Variants in CADPS observed in about 807,000 individuals in gnomAD.
The protein encoded by CADPS is calcium-dependent secretion activator 1.
In CADPS, 57 loss-of-function variants were observed where a neutral mutation model predicts 167.3. That is an observed-to-expected ratio of 0.34 (90% confidence interval 0.28 to 0.42). The LOEUF (loss-of-function observed/expected upper bound fraction) is 0.42. Among genes scored for constraint, CADPS ranks in the 20% least tolerant of loss-of-function variants. The probability of loss-of-function intolerance (pLI) is 1.00; values close to 1 mark genes in which losing one functional copy is unlikely to be tolerated. For missense variants in CADPS, 1,414 were observed against 1,738.1 expected, an observed-to-expected ratio of 0.81 and a Z score of 3.32; for synonymous variants, 676 against 635.3, an observed-to-expected ratio of 1.06 and a Z score of -0.96.
At chr3:62,856,561 A>G (rs73844676) in intron 1 of CADPS, among the ~76,000 whole-genome samples, 6,980 of 152,166 alleles carry the variant, frequency 0.046, 180 homozygotes, top group East Asian at 0.089. Flanking sequence ...AGTATAATAA[A>G]AGGAACTTTA....
intron 1 of CADPS, among the ~76,000 whole-genome samples, chr3:62,851,511 T>C (rs1489690380): frequency 2.7e-5 from 4 of 149,470 alleles, no homozygotes; most frequent in Non-Finnish European, 5.9e-5. Context: ...CTGTAAAGTA[T>C]TTTATTTCTC....
At position 62,474,153 on chromosome 3, in the gene CADPS, A is replaced by ATATCTGTATTTTTTTTTTTTTT. The variant is rs2060964287; in HGVS notation, c.3477+19_3477+20insAAAAAAAAAAAAAATACAGATA. 1.7e-6 allele frequency: 1 copy of ATATCTGTATTTTTTTTTTTTTT among 576,520 alleles called. No homozygotes were observed. Among genetic ancestry groups the ATATCTGTATTTTTTTTTTTTTT allele is most frequent in the African/African-American group, 3.5e-5 (1 of 28,598 alleles). The allele number at this position is 576,520 out of a possible 1,614,324, so 35.7% of individuals were successfully genotyped here. On this transcript the variant is annotated intron_variant, in intron 24 of 29. Transcript: ENST00000383710. ...AATGAAGAGGGAAAAAAAAATCTGT[A>ATATCTGTATTTTTTTTTTTTTT]TTTTTTTTTTTTTTTTTACCTCTTG...
chr3:62,687,767 G>A (rs1044360149), intron 3 of CADPS, among the ~76,000 whole-genome samples: 2 of 112,320 alleles, frequency 1.8e-5, no homozygotes, highest in African/African-American at 3.2e-5. Flanking sequence ...CTATCTTAAC[G>A]CTTGCTTCTA....
At chr3:62,827,669 T>C (rs973801539) in intron 1 of CADPS, among the ~76,000 whole-genome samples, 2 of 152,150 alleles carry the variant, frequency 1.3e-5, no homozygotes, top group African/African-American at 4.8e-5. Flanking sequence ...TACAATCACA[T>C]ACACTGAGGG....
intron 1 of CADPS, among the ~76,000 whole-genome samples, chr3:62,799,957 C>T (rs2093666780): frequency 6.6e-6 from 1 of 152,170 alleles, no homozygotes; most frequent in Admixed American, 6.6e-5. Context: ...AGATTTGTTT[C>T]CTGACTAGGA....
At chr3:62,466,496 T>G (rs2059947158) in intron 24 of CADPS, 83 bp from the exon 25 acceptor site, 1 of 873,022 alleles carries the variant, frequency 1.1e-6, no homozygotes, top group Non-Finnish European at 1.9e-6. Flanking sequence ...CAACTTAATT[T>G]ATAAATAAAG....
chr3:62,712,077 A>G (rs954445535), intron 3 of CADPS, among the ~76,000 whole-genome samples: 3 of 152,156 alleles, frequency 2.0e-5, no homozygotes, highest in Non-Finnish European at 4.4e-5. Context: ...CAAAATTTCA[A>G]CGGTATTGTA....
chr3:62,440,221 C>T (rs2056026262), intron 27 of CADPS: 1 of 152,136 alleles, frequency 6.6e-6, no homozygotes, highest in South Asian at 2.1e-4. Context: ...CAAATCCTTT[C>T]TCCATCTCCT....
At chr3:62,830,673 A>G (rs888687911) in intron 1 of CADPS, among the ~76,000 whole-genome samples, 5 of 152,176 alleles carry the variant, frequency 3.3e-5, no homozygotes, top group Non-Finnish European at 7.4e-5. Context: ...CTGACTTAAG[A>G]AATCTTTCAA....
intron 2 of CADPS, among the ~76,000 whole-genome samples, chr3:62,755,238 G>A (rs2083591384): frequency 6.6e-6 from 1 of 152,130 alleles, no homozygotes; most frequent in Non-Finnish European, 1.5e-5. Flanking sequence ...CCCCCTGGTG[G>A]AAAATCCCTG....
intron 3 of CADPS, among the ~76,000 whole-genome samples, chr3:62,740,365 G>C (rs1230414206): frequency 6.6e-6 from 1 of 152,184 alleles, no homozygotes; most frequent in Non-Finnish European, 1.5e-5. Context: ...TGGTACCAAA[G>C]TTAAGGGGTT....
At chr3:62,635,266 C>T (rs1416112752) in intron 6 of CADPS, among the ~76,000 whole-genome samples, 1 of 152,152 alleles carries the variant, frequency 6.6e-6, no homozygotes, top group Non-Finnish European at 1.5e-5. Flanking sequence ...AAGGTGACAT[C>T]ACATGGCAGG....
Position 62,772,617 on chromosome 3 carries a change from AAAAT to A in CADPS, c.442-6637_442-6634del, listed in dbSNP as rs570509013. Among the ~76,000 whole-genome samples the A allele has an allele frequency of 2.4e-3, 367 of 152,326 alleles. 1 individual carries two copies. The highest frequency in any genetic ancestry group is 5.2e-3 in the Admixed American group (80 of 15,302). On this transcript the variant is annotated intron_variant, in intron 1 of 29. Transcript: ENST00000383710. ...CTCTGGTTTTTTCATTATGTGAGAAAAAATAAATATATTTCTACTTGTTCAAGTC... is the reference window on the plus strand; with the variant it reads ...CTCTGGTTTTTTCATTATGTGAGAAAAAATATATTTCTACTTGTTCAAGTC...
At chr3:62,662,428 T>C in intron 3 of CADPS, 34 bp from the exon 4 acceptor site, 2 of 1,597,420 alleles carry the variant, frequency 1.3e-6, no homozygotes, top group East Asian at 2.2e-5. Flanking sequence ...GACTTTTAGT[T>C]TGGGTCACAA....
chr3:62,704,700 A>T (rs1247331723), intron 3 of CADPS, among the ~76,000 whole-genome samples: 1 of 152,068 alleles, frequency 6.6e-6, no homozygotes, highest in Non-Finnish European at 1.5e-5. Flanking sequence ...AAGGTAAATA[A>T]CATCAGTCAG....
intron 1 of CADPS, among the ~76,000 whole-genome samples, chr3:62,773,773 GA>G (rs1386228655): frequency 2.0e-5 from 3 of 151,936 alleles, no homozygotes; most frequent in African/African-American, 7.2e-5. Flanking sequence ...TGTTTCTTTA[GA>G]AAAAATGTAA....
At chr3:62,756,575 T>C (rs1465901244) in intron 2 of CADPS, among the ~76,000 whole-genome samples, 1 of 152,172 alleles carries the variant, frequency 6.6e-6, no homozygotes, top group East Asian at 1.9e-4. Context: ...ACTGACATAA[T>C]CCTAATAATG....
chr3:62,414,417 T>C (rs1488623077), intron 28 of CADPS, among the ~76,000 whole-genome samples: 1 of 152,212 alleles, frequency 6.6e-6, no homozygotes, highest in Non-Finnish European at 1.5e-5. Context: ...AGAATTAGGC[T>C]AATAATGCAA....
chr3:62,668,553 C>G (rs1016597852), intron 3 of CADPS, among the ~76,000 whole-genome samples: 1 of 152,198 alleles, frequency 6.6e-6, no homozygotes, highest in African/African-American at 2.4e-5. Context: ...TTTGCAGCAA[C>G]TCTGCTCTGT....
Sources: gnomAD v4.1 joint callset for allele counts (sites outside exome capture counted in the v4.1 genomes callset) on GRCh38, gnomAD v4.1.1 for gene constraint, MANE v1.5 for transcripts, NCBI Gene and HGNC (gene_info 2026-07-23, HGNC 2026-07-21) for gene names.